Variants in RBFOX1 observed in about 807,000 individuals in gnomAD.
The protein encoded by RBFOX1 is RNA binding fox-1 homolog 1.
Under a neutral mutation model 57.7 loss-of-function variants are expected in RBFOX1, and 8 were observed. The observed-to-expected ratio is 0.14, with a 90% CI of 0.08 to 0.25. RBFOX1 has a LOEUF of 0.25. Among genes scored for constraint, RBFOX1 ranks in the 10% least tolerant of loss-of-function variants. The pLI is 1.00. For missense variants in RBFOX1, 611 were observed against 548.5 expected (o/e 1.11, Z -1.14); for synonymous variants, 326 against 222.4 (o/e 1.47, Z -4.15).
In RBFOX1 at chr16:7,584,959, G is replaced by T. The variant is rs140422599; in HGVS notation, c.415-2288G>T. Among the ~76,000 whole-genome samples the T allele has an allele frequency of 4.6e-5, 7 of 152,308 alleles. No homozygotes were observed. The South Asian group carries it at 1.4e-3, about 32-fold the overall frequency. ...TCATTTAGGGAATGACACCTGCCAA[G>T]ATTGCTGTTTGATTGGTTCTGTCTC... On this transcript the variant is annotated intron_variant, in intron 6 of 15. Coordinates refer to ENST00000550418, the MANE Select transcript of RBFOX1 (RefSeq NM_018723.4).
At chr16:5,704,119 G>A (rs1296097673) in intron 3 of RBFOX1, among the ~76,000 whole-genome samples, 1 of 152,046 alleles carries the variant, frequency 6.6e-6, no homozygotes, top group Non-Finnish European at 1.5e-5. Flanking sequence ...AGAAGACTTG[G>A]GGCACATCCA....
intron 3 of RBFOX1, among the ~76,000 whole-genome samples, chr16:5,794,282 C>A (rs1382108518): frequency 2.0e-5 from 3 of 151,630 alleles, no homozygotes; most frequent in African/African-American, 7.3e-5. Context: ...TCTTTGTTTC[C>A]CTCCTTCACC....
At chr16:6,847,492 T>C (rs2093819651) in intron 3 of RBFOX1, among the ~76,000 whole-genome samples, 1 of 152,058 alleles carries the variant, frequency 6.6e-6, no homozygotes, top group African/African-American at 2.4e-5. Flanking sequence ...TCCTTACCAC[T>C]GTGGCCCACG....
At chr16:6,588,706 A>C (rs2097666790) in intron 2 of RBFOX1, among the ~76,000 whole-genome samples, 2 of 152,152 alleles carry the variant, frequency 1.3e-5, no homozygotes, top group Non-Finnish European at 2.9e-5. Flanking sequence ...GTCTTCTATG[A>C]TGTTGATTTA....
At chr16:7,132,850 G>C (rs1199414787) in intron 4 of RBFOX1, among the ~76,000 whole-genome samples, 1 of 152,090 alleles carries the variant, frequency 6.6e-6, no homozygotes, top group East Asian at 1.9e-4. Flanking sequence ...CTGCCATAAA[G>C]CAAGAGAATG....
At chr16:7,184,406 A>G (rs2083313906) in intron 4 of RBFOX1, among the ~76,000 whole-genome samples, 1 of 152,222 alleles carries the variant, frequency 6.6e-6, no homozygotes, top group South Asian at 2.1e-4. Flanking sequence ...GGGATACATG[A>G]TGGTGGTTAT....
At chr16:5,392,972 G>A (rs139417096) in intron 1 of RBFOX1, among the ~76,000 whole-genome samples, 1 of 152,242 alleles carries the variant, frequency 6.6e-6, no homozygotes, top group East Asian at 1.9e-4. Context: ...TGGAGCCCTA[G>A]GGAGGTGTTG....
At chr16:5,732,836 A>G (rs1281593396) in intron 3 of RBFOX1, among the ~76,000 whole-genome samples, 1 of 152,150 alleles carries the variant, frequency 6.6e-6, no homozygotes, top group Non-Finnish European at 1.5e-5. Flanking sequence ...AAAGTCTTCA[A>G]CCGTGTCTTC....
At chr16:5,413,275 A>G (rs1396623457) in intron 1 of RBFOX1, among the ~76,000 whole-genome samples, 1 of 152,156 alleles carries the variant, frequency 6.6e-6, no homozygotes, top group Non-Finnish European at 1.5e-5. Context: ...CAAGGCATCC[A>G]CAGCATTCTC....
intron 4 of RBFOX1, among the ~76,000 whole-genome samples, chr16:7,138,299 C>T (rs189171613): frequency 3.9e-4 from 59 of 152,276 alleles, no homozygotes; most frequent in Non-Finnish European, 7.5e-4. Context: ...CACATGAGAT[C>T]TTCAGCAACA....
At chr16:5,732,748 A>C (rs56096739) in intron 3 of RBFOX1, among the ~76,000 whole-genome samples, 3,201 of 152,284 alleles carry the variant, frequency 0.021, 109 homozygotes, top group African/African-American at 0.073. Flanking sequence ...CTTAAGTGTG[A>C]GATTCTCCCA....
Position 6,648,169 on chromosome 16 carries a change from C to A in RBFOX1, c.-63-6434C>A, listed in dbSNP as rs543787635. 2.3e-3 allele frequency among the ~76,000 whole-genome samples: 344 copies of A among 151,770 alleles called. 1 individual carries two copies. Among genetic ancestry groups the A allele is most frequent in the Non-Finnish European group, 3.3e-3 (225 of 67,930 alleles). On this transcript the variant is annotated intron_variant, in intron 2 of 15. Coordinates refer to ENST00000550418, the MANE Select transcript of RBFOX1 (RefSeq NM_018723.4). ...CAAGTGATCCTTCCATTTCAGCTTC[C>A]CAAGAAGCTGGGACCACAGGTGCAT... is the stretch of plus-strand genomic sequence containing the variant.
intron 4 of RBFOX1, among the ~76,000 whole-genome samples, chr16:5,893,337 A>C (rs375971453): frequency 3.3e-5 from 5 of 152,346 alleles, no homozygotes; most frequent in Admixed American, 2.0e-4. Context: ...AGAATGAATA[A>C]GACCTAGTAT....
rs772813289 is a variant in RBFOX1 at position 5,837,697 on chromosome 16, C to T, written c.319-29606C>T. Among the ~76,000 whole-genome samples the T allele has an allele frequency of 7.2e-5, 11 of 151,870 alleles. No individual in the cohort carries two copies. In the East Asian group the frequency reaches 1.2e-3, roughly 16 times the overall value. On this transcript the variant is annotated intron_variant, in intron 3 of 19. Transcript: ENST00000641259. ...GAGGATTTTTAGTTCTATCCCCATTCCTGTTTTACCTTTAGAGCTCCATGT... is the reference window on the plus strand; with the variant it reads ...GAGGATTTTTAGTTCTATCCCCATTTCTGTTTTACCTTTAGAGCTCCATGT...
At chr16:7,358,505 C>G (rs2097260066) in intron 4 of RBFOX1, among the ~76,000 whole-genome samples, 1 of 152,090 alleles carries the variant, frequency 6.6e-6, no homozygotes, top group South Asian at 2.1e-4. Flanking sequence ...ACTGCAACCT[C>G]CACCTCCCGG....
chr16:5,813,832 G>A (rs2055523951), intron 3 of RBFOX1, among the ~76,000 whole-genome samples: 1 of 152,228 alleles, frequency 6.6e-6, no homozygotes, highest in Non-Finnish European at 1.5e-5. Flanking sequence ...TATTCTGACT[G>A]TGAACTTAGT....
intron 4 of RBFOX1, among the ~76,000 whole-genome samples, chr16:7,312,905 CGGA>C (rs2096349977): frequency 6.6e-6 from 1 of 151,412 alleles, no homozygotes; most frequent in Admixed American, 6.6e-5. Flanking sequence ...GAGAGTCTGG[CGGA>C]GCTCTCTGGG....
At chr16:6,672,688 C>CTTCTGCTT (rs1361853063) in intron 3 of RBFOX1, among the ~76,000 whole-genome samples, 1 of 152,174 alleles carries the variant, frequency 6.6e-6, no homozygotes, top group Non-Finnish European at 1.5e-5. Context: ...CATGATTCCG[C>CTTCTGCTT]TTCTGCTTTT....
At chr16:5,741,062 A>T (rs143116299) in intron 3 of RBFOX1, among the ~76,000 whole-genome samples, 1 of 152,314 alleles carries the variant, frequency 6.6e-6, no homozygotes, top group East Asian at 1.9e-4. Flanking sequence ...GTAGATGGGG[A>T]AATTGAGACC....
Sources: allele counts gnomAD v4.1 joint callset (sites outside exome capture counted in the v4.1 genomes callset), GRCh38; gene constraint gnomAD v4.1.1; transcripts MANE v1.5; gene names NCBI Gene and HGNC (gene_info 2026-07-23, HGNC 2026-07-21).